ASIC2: variants seen among roughly 807,000 people sequenced by gnomAD.
The protein encoded by ASIC2 is acid-sensing ion channel 2.
Under a neutral mutation model 57.3 loss-of-function variants are expected in ASIC2, and 25 were observed. That is an observed-to-expected ratio of 0.44 (90% CI 0.32 to 0.61). ASIC2 has a LOEUF of 0.61. Among genes scored for constraint, ASIC2 ranks in the 20% least tolerant of loss-of-function variants. The pLI is 0.06. For synonymous variants in ASIC2, 319 were observed against 307.5 expected (o/e 1.04, Z -0.39); for missense variants, 641 against 738.1 (o/e 0.87, Z 1.52).
At position 33,287,474 on chromosome 17, in the gene ASIC2, G is replaced by C. The variant is rs148934756; in HGVS notation, c.708+3934C>G. ...TGCATCCCACCCAATTACTGGGAAG[G>C]CTCCCTTCTTCTGGCCCAGGAAACC... On this transcript the variant is annotated intron_variant, in intron 1 of 9. Transcript: ENST00000225823. Among the ~76,000 whole-genome samples the C allele has an allele frequency of 1.2e-3, 176 of 152,320 alleles. 4 individuals carry two copies. In the East Asian group the frequency reaches 0.028, roughly 24 times the overall value.
At chr17:33,182,645 C>G (rs1005490354) in intron 1 of ASIC2, among the ~76,000 whole-genome samples, 1 of 152,176 alleles carries the variant, frequency 6.6e-6, no homozygotes, top group African/African-American at 2.4e-5. Flanking sequence ...CTCTCTCTAT[C>G]ATAATGGACA....
intron 1 of ASIC2, among the ~76,000 whole-genome samples, chr17:33,515,587 TC>T (rs1398983920): frequency 3.3e-5 from 5 of 152,174 alleles, no homozygotes; most frequent in African/African-American, 4.8e-5. Context: ...GCCTCTCTCC[TC>T]CCTTCTATTT....
At position 33,765,309 on chromosome 17, in the gene ASIC2, C is replaced by T. The variant is rs9911136; in HGVS notation, c.555+390669G>A. On this transcript the variant is annotated intron_variant, in intron 1 of 9. Transcript: ENST00000359872. ...ATTTTTAGTAGAGACGGGGTTTCAC[C>T]GTATTAGCCAGGATGGTCTCGACCT... 5.4e-3 allele frequency among the ~76,000 whole-genome samples: 822 copies of T among 152,134 alleles called. 10 individuals are homozygous for T. Among genetic ancestry groups the T allele is most frequent in the African/African-American group, 0.019 (790 of 41,528 alleles).
intron 1 of ASIC2, among the ~76,000 whole-genome samples, chr17:33,843,065 C>A (rs1048062014): frequency 6.6e-6 from 1 of 152,196 alleles, no homozygotes; most frequent in Admixed American, 6.5e-5. Context: ...GTGTTATGCC[C>A]GTGCACATAC....
intron 1 of ASIC2, chr17:33,572,194 G>T (rs946402270): frequency 6.6e-6 from 1 of 152,138 alleles, no homozygotes; most frequent in African/African-American, 2.4e-5. Context: ...TCCTCACTCA[G>T]GAGTTGATAT....
intron 1 of ASIC2, among the ~76,000 whole-genome samples, chr17:33,379,561 C>T (rs1412554272): frequency 6.6e-6 from 1 of 152,198 alleles, no homozygotes; most frequent in Non-Finnish European, 1.5e-5. Context: ...CTTCAAACCT[C>T]ACACTCACAC....
intron 1 of ASIC2, among the ~76,000 whole-genome samples, chr17:33,130,692 G>A (rs1280744766): frequency 6.6e-6 from 1 of 152,192 alleles, no homozygotes; most frequent in Non-Finnish European, 1.5e-5. Context: ...TTTCCTCCTG[G>A]AGGGGGGGAC....
intron 1 of ASIC2, among the ~76,000 whole-genome samples, chr17:34,000,397 G>A (rs567333682): frequency 1.7e-4 from 26 of 152,040 alleles, no homozygotes; most frequent in Admixed American, 9.8e-4. Context: ...GATTACAGGC[G>A]TGTGCCACCC....
intron 1 of ASIC2, among the ~76,000 whole-genome samples, chr17:33,983,071 A>G (rs879311227): frequency 2.0e-5 from 3 of 152,162 alleles, no homozygotes; most frequent in Non-Finnish European, 4.4e-5. Flanking sequence ...AGGAGCTGTG[A>G]GTGTGTGTGT....
chr17:34,154,651 G>A (rs1904646250), intron 1 of ASIC2, among the ~76,000 whole-genome samples: 1 of 152,190 alleles, frequency 6.6e-6, no homozygotes, highest in South Asian at 2.1e-4. Context: ...AGGGGGTAGG[G>A]AATGGATGCA....
At chr17:33,289,615 T>C (rs1905335963) in intron 1 of ASIC2, among the ~76,000 whole-genome samples, 1 of 152,166 alleles carries the variant, frequency 6.6e-6, no homozygotes, top group African/African-American at 2.4e-5. Context: ...GTATGCAAAG[T>C]TGGACTTTGA....
At chr17:34,065,254 T>C (rs1303325039) in intron 1 of ASIC2, among the ~76,000 whole-genome samples, 1 of 152,174 alleles carries the variant, frequency 6.6e-6, no homozygotes, top group East Asian at 1.9e-4. Flanking sequence ...GAGACTATTA[T>C]TCTAGGCGAA....
Position 34,141,627 on chromosome 17 carries a change from T to G in ASIC2, c.555+14351A>C, listed in dbSNP as rs912817630. On this transcript the variant is annotated intron_variant, in intron 1 of 9. Transcript: ENST00000359872. ...CTAGAACATAGGGAACATCAGTAAA[T>G]GTTTGTTAAATCCATGTGCTGGGCA... Among the ~76,000 whole-genome samples, 3 of 152,212 alleles carry G rather than the reference T, an allele frequency of 2.0e-5. No individual in the cohort carries two copies. In the East Asian group the frequency reaches 5.8e-4, roughly 29 times the overall value.
chr17:33,989,135 T>G (rs1222712486), intron 1 of ASIC2, among the ~76,000 whole-genome samples: 1 of 152,082 alleles, frequency 6.6e-6, no homozygotes, highest in Non-Finnish European at 1.5e-5. Context: ...CCCTTTTTCT[T>G]GTTAGTGAGA....
chr17:33,097,870 G>C (rs2092189791), intron 2 of ASIC2, among the ~76,000 whole-genome samples: 1 of 152,164 alleles, frequency 6.6e-6, no homozygotes, highest in Non-Finnish European at 1.5e-5. Flanking sequence ...TGTCATTTTA[G>C]ACCCTGCTCC....
chr17:33,401,719 TC>T (rs1910293094), intron 1 of ASIC2, among the ~76,000 whole-genome samples: 1 of 152,150 alleles, frequency 6.6e-6, no homozygotes, highest in Non-Finnish European at 1.5e-5. Flanking sequence ...TTTGTTCGCT[TC>T]CCAGGAGACA....
At chr17:33,425,766 T>A (rs1911197430) in intron 1 of ASIC2, among the ~76,000 whole-genome samples, 1 of 152,144 alleles carries the variant, frequency 6.6e-6, no homozygotes, top group African/African-American at 2.4e-5. Flanking sequence ...CTATTAGGGA[T>A]GAATCTGGCT....
intron 1 of ASIC2, among the ~76,000 whole-genome samples, chr17:33,359,604 C>T (rs571693170): frequency 3.3e-5 from 5 of 152,204 alleles, no homozygotes; most frequent in Non-Finnish European, 5.9e-5. Flanking sequence ...ATCATCCATG[C>T]ACCAAAAACT....
chr17:33,528,017 T>A (rs1331149930), intron 1 of ASIC2, among the ~76,000 whole-genome samples: 3 of 152,150 alleles, frequency 2.0e-5, no homozygotes, highest in Admixed American at 2.0e-4. Flanking sequence ...CCCAATGCCT[T>A]GGTAACCCCA....
Sources: gnomAD v4.1 joint callset for allele counts (sites outside exome capture counted in the v4.1 genomes callset) on GRCh38, gnomAD v4.1.1 for gene constraint, MANE v1.5 for transcripts, NCBI Gene and HGNC (gene_info 2026-07-23, HGNC 2026-07-21) for gene names.